Variants in PPM1G observed in about 807,000 individuals in gnomAD.
The protein encoded by PPM1G is protein phosphatase 1G.
In PPM1G, 12 loss-of-function variants were observed where a neutral mutation model predicts 59.4. That is an observed-to-expected ratio of 0.20 (90% CI 0.13 to 0.33). PPM1G has a LOEUF of 0.33. Ranked by LOEUF, PPM1G falls within the 10% of genes least tolerant of loss-of-function variation. The pLI is 1.00. For synonymous variants in PPM1G, 245 were observed against 251.9 expected (o/e 0.97, Z 0.26); for missense variants, 392 against 681.3 (o/e 0.58, Z 4.73).
At chr2:27,406,095 T>C (rs1329712761) in intron 1 of PPM1G, among the ~76,000 whole-genome samples, 2 of 152,196 alleles carry the variant, frequency 1.3e-5, no homozygotes, top group Non-Finnish European at 2.9e-5. Flanking sequence ...ATGCCAGCTA[T>C]TGATGATTGC....
chr2:27,404,069 G>A (rs1433019049), intron 1 of PPM1G, among the ~76,000 whole-genome samples: 1 of 151,988 alleles, frequency 6.6e-6, no homozygotes, highest in African/African-American at 2.4e-5. Flanking sequence ...TTAATTTAAT[G>A]ACTGAAACAA....
At position 27,382,173 on chromosome 2, in the gene PPM1G, G is replaced by T. The variant is rs767959962; in HGVS notation, c.1387C>A (p.Arg463Ser). ...VDFIQSKISQ[R>S]DENGELRLLS... is the part of the protein sequence containing the mutation. ...AACCGAAGCTCCCCATTTTCATCAC[G>T]CTGGCTGATCTTTGATTGAATGAAA... The change falls in exon 9 of 10, where the codon CGT becomes AGT. Residue 463 changes from arginine to serine, a missense_variant. This residue lies in a region of PPM1G where 29 missense variants were observed against 38.9 expected (regional missense o/e 0.75). Coordinates refer to ENST00000344034, the MANE Select transcript of PPM1G (RefSeq NM_177983.3). This position sits in a 1 kb window ranked among gnomAD's most constrained non-coding sequence, Gnocchi z 4.2. The T allele has an allele frequency of 1.9e-6, 3 of 1,614,174 alleles. No individual in the cohort carries two copies. Among genetic ancestry groups the T allele is most frequent in the Non-Finnish European group, 2.5e-6 (3 of 1,180,028 alleles).
rs1015370324 is a variant in PPM1G, at chr2:27,382,919, G to A, written c.1202-314C>T. 1.3e-5 allele frequency among the ~76,000 whole-genome samples: 2 copies of A among 150,030 alleles called. No homozygotes were observed. The highest frequency in any genetic ancestry group is 3.0e-5 in the Non-Finnish European group (2 of 67,782). ...CGGCTCACTACAACCTCCGCCTCCC[G>A]GATTCAAGCGGTTCTCCTGCCTCAG... On this transcript the variant is annotated intron_variant, in intron 7 of 9. Transcript: ENST00000344034. The surrounding 1 kb of genome is among the most constrained non-coding windows in gnomAD (Gnocchi z 4.2).
chr2:27,390,078 G>A (rs547317001), intron 1 of PPM1G, among the ~76,000 whole-genome samples: 14 of 151,892 alleles, frequency 9.2e-5, no homozygotes, highest in African/African-American at 3.1e-4. Flanking sequence ...GTAGAGTGGC[G>A]CGATCTAGGC....
intron 1 of PPM1G, among the ~76,000 whole-genome samples, chr2:27,395,574 G>A (rs1195134770): frequency 6.6e-6 from 1 of 152,062 alleles, no homozygotes; most frequent in Non-Finnish European, 1.5e-5. Flanking sequence ...TGGGCATGTT[G>A]GCTCATGTCT....
intron 1 of PPM1G, among the ~76,000 whole-genome samples, chr2:27,396,188 C>T (rs1572666305): frequency 1.3e-5 from 2 of 152,098 alleles, no homozygotes; most frequent in Admixed American, 6.6e-5. Flanking sequence ...AGGACAATCA[C>T]TTGAACCTGG....
At chr2:27,381,914 G>A (rs1558315407) in intron 9 of PPM1G, 109 bp from the exon 10 acceptor site, 1 of 1,173,578 alleles carries the variant, frequency 8.5e-7, no homozygotes, top group Non-Finnish European at 1.2e-6. Context: ...GGAGAGGAAT[G>A]GGCAAGAGGT....
chr2:27,402,856 A>AT (rs1684218301), intron 1 of PPM1G, among the ~76,000 whole-genome samples: 1 of 146,288 alleles, frequency 6.8e-6, no homozygotes, highest in Non-Finnish European at 1.5e-5. Context: ...AAATAAATAA[A>AT]ATAAACATAA....
chr2:27,408,272 C>G (rs1663428223), intron 1 of PPM1G, among the ~76,000 whole-genome samples: 1 of 152,152 alleles, frequency 6.6e-6, no homozygotes, highest in East Asian at 1.9e-4. Context: ...TCGCTGTTAC[C>G]TGAAGCCCAC....
intron 1 of PPM1G, among the ~76,000 whole-genome samples, chr2:27,396,819 C>CCAAAAA (rs1553313910): frequency 8.0e-6 from 1 of 125,384 alleles, no homozygotes; most frequent in Non-Finnish European, 1.6e-5. Context: ...CCGTCTCCAA[C>CCAAAAA]AAAAAAAAAA....
intron 1 of PPM1G, among the ~76,000 whole-genome samples, chr2:27,399,799 G>A (rs1310643641): frequency 6.6e-6 from 1 of 152,190 alleles, no homozygotes; most frequent in African/African-American, 2.4e-5. Context: ...CGACGGTACA[G>A]CAACTTTGGA....
chr2:27,389,610 GTATA>G (rs1683849161), intron 1 of PPM1G, among the ~76,000 whole-genome samples: 1 of 152,068 alleles, frequency 6.6e-6, no homozygotes, highest in Admixed American at 6.6e-5. Context: ...ACCCAACCTT[GTATA>G]ACCCCACCAA....
intron 1 of PPM1G, chr2:27,393,071 GCT>G: frequency 7.9e-7 from 1 of 1,264,284 alleles, no homozygotes; most frequent in East Asian, 2.3e-5. Context: ...CATTCAGCCC[GCT>G]CTCCCATCGC....
At chr2:27,389,944 G>A (rs555272321) in intron 1 of PPM1G, among the ~76,000 whole-genome samples, 1 of 152,250 alleles carries the variant, frequency 6.6e-6, no homozygotes, top group Admixed American at 6.5e-5. Context: ...CTCCAGCCTG[G>A]GTGACAGAGG....
intron 1 of PPM1G, among the ~76,000 whole-genome samples, chr2:27,397,778 C>T (rs866976413): frequency 2.0e-5 from 3 of 152,028 alleles, no homozygotes; most frequent in Non-Finnish European, 4.4e-5. Flanking sequence ...CTGAGGCAGG[C>T]GGATCTCTTG....
In PPM1G at chr2:27,383,800, C is replaced by T; in HGVS notation, c.966+152G>A. 7.8e-7 allele frequency: 1 copy of T among 1,290,092 alleles called. No individual in the cohort carries two copies. The highest frequency in any genetic ancestry group is 1.5e-5 in the South Asian group (1 of 66,098). 79.9% of individuals were successfully genotyped at this position (1,290,092 alleles called of 1,614,324 possible). On this transcript the variant is annotated intron_variant, in intron 6 of 9. Transcript: ENST00000344034. The surrounding 1 kb of genome is among the most constrained non-coding windows in gnomAD (Gnocchi z 5.0). ...TTTTTAGATAATTCAACCCCAAAGG[C>T]TTACCATCTCATTCCCCTTGCAGAA...
In PPM1G at chr2:27,383,935, T is replaced by A. The variant is rs142870798; in HGVS notation, c.966+17A>T. Reference sequence around the variant, plus strand: ...CTTGTGGCTTTTCAAGACTCATTGCTCCCCTTCCCCACACACCTCCTCTTT... The same window carrying A: ...CTTGTGGCTTTTCAAGACTCATTGCACCCCTTCCCCACACACCTCCTCTTT... On this transcript the variant is annotated intron_variant, in intron 6 of 9. Coordinates refer to ENST00000344034, the MANE Select transcript of PPM1G (RefSeq NM_177983.3). The surrounding 1 kb of genome is among the most constrained non-coding windows in gnomAD (Gnocchi z 5.0). The A allele has an allele frequency of 1.3e-5, 20 of 1,551,792 alleles. No homozygotes were observed. The African/African-American group carries it at 1.4e-4, about 11-fold the overall frequency.
At chr2:27,392,291 T>G (rs1477796920) in intron 1 of PPM1G, among the ~76,000 whole-genome samples, 29 of 87,556 alleles carry the variant, frequency 3.3e-4, no homozygotes, top group East Asian at 8.9e-4. Context: ...GTTTTGTTTT[T>G]TTTTTTTTTT....
Position 27,385,141 on chromosome 2 carries a change from CG to C in PPM1G, c.410-54del. On this transcript the variant is annotated intron_variant, in intron 4 of 9. Transcript: ENST00000344034. This position sits in a 1 kb window ranked among gnomAD's most constrained non-coding sequence, Gnocchi z 4.1. ...CCCATGCCAGACTCCTCATGGGATCCGTCCCTCTCACTACCTCAACAGCCCT... is the reference window on the plus strand; with the variant it reads ...CCCATGCCAGACTCCTCATGGGATCCTCCCTCTCACTACCTCAACAGCCCT... 6.6e-7 allele frequency: 1 copy of C among 1,514,260 alleles called. No individual in the cohort carries two copies. 93.8% of individuals were successfully genotyped at this position (1,514,260 alleles called of 1,614,324 possible). A position where few individuals can be genotyped will look rare whatever the true frequency, so the allele number is the denominator to read the frequency against.
Sources: allele counts gnomAD v4.1 joint callset (sites outside exome capture counted in the v4.1 genomes callset), GRCh38; gene constraint gnomAD v4.1.1; regional missense constraint gnomAD v4.1.1; non-coding constraint Gnocchi (gnomAD v3.1); transcripts MANE v1.5; gene names NCBI Gene and HGNC (gene_info 2026-07-23, HGNC 2026-07-21).